Variants in TEKT3 observed in about 807,000 individuals in gnomAD.
TEKT3 encodes tektin-3.
Under a neutral mutation model 49.8 loss-of-function variants are expected in TEKT3, and 49 were observed. That is an observed-to-expected ratio of 0.98 (90% CI 0.78 to 1.25). TEKT3 has a LOEUF of 1.25. TEKT3 is among the 50% of genes most tolerant of loss of function. TEKT3 has a pLI of 0.00. For missense variants in TEKT3, 595 were observed against 629.5 expected (o/e 0.95, Z 0.59); for synonymous variants, 225 against 237.2 (o/e 0.95, Z 0.47).
intron 3 of TEKT3, among the ~76,000 whole-genome samples, chr17:15,329,631 A>C (rs1324370359): frequency 1.3e-5 from 2 of 152,236 alleles, no homozygotes; most frequent in Non-Finnish European, 2.9e-5. Context: ...TTAGTGAACT[A>C]TCAGCCATTC....
chr17:15,339,200 C>A (rs1912124839), intron 2 of TEKT3, among the ~76,000 whole-genome samples: 1 of 152,292 alleles, frequency 6.6e-6, no homozygotes, highest in Admixed American at 6.5e-5. Context: ...CTTTCATTCA[C>A]TTGTCCTTCT....
intron 6 of TEKT3, among the ~76,000 whole-genome samples, chr17:15,313,214 G>A (rs1218100525): frequency 6.6e-6 from 1 of 152,196 alleles, no homozygotes; most frequent in Non-Finnish European, 1.5e-5. Context: ...GCAAATTCAT[G>A]TTAAAGTAGA....
chr17:15,315,026 G>A (rs1215430336), intron 5 of TEKT3, among the ~76,000 whole-genome samples: 2 of 152,128 alleles, frequency 1.3e-5, no homozygotes, highest in East Asian at 1.9e-4. Context: ...TACTTCATTC[G>A]ACAAATAATT....
At chr17:15,338,649 C>T (rs1021996116) in intron 2 of TEKT3, 3 of 157,242 alleles carry the variant, frequency 1.9e-5, no homozygotes, top group Admixed American at 6.6e-5. Flanking sequence ...GGACTACAGC[C>T]GCCTGCCACC....
intron 2 of TEKT3, chr17:15,338,670 AATTTT>A: frequency 7.8e-6 from 1 of 128,736 alleles, no homozygotes; most frequent in Non-Finnish European, 1.5e-5. Flanking sequence ...ACACCTGGCT[AATTTT>A]TTTTTTTTTT....
chr17:15,342,873 A>G (rs1439825343), upstream of TEKT3, among the ~76,000 whole-genome samples: 1 of 152,216 alleles, frequency 6.6e-6, no homozygotes, highest in Non-Finnish European at 1.5e-5. Flanking sequence ...TAGTTTTCCC[A>G]CTATGTTCCT....
rs751717985 is a variant in TEKT3, at chr17:15,303,927, G to T, written c.*9C>A. On this transcript the variant is annotated 3_prime_UTR_variant, in exon 9 of 9. Transcript: ENST00000395930. Reference sequence around the variant, plus strand: ...CTTAGGGGTATCAAAACCACACCCGGTGGGGTCCCTAGCAGAAGCCGACCA... The same window carrying T: ...CTTAGGGGTATCAAAACCACACCCGTTGGGGTCCCTAGCAGAAGCCGACCA... 3 of 1,613,432 alleles carry T rather than the reference G, an allele frequency of 1.9e-6. No homozygotes were observed. In the African/African-American group the frequency reaches 4.0e-5, roughly 22 times the overall value.
rs988710643 is a variant in TEKT3 at position 15,331,274 on chromosome 17, T to C, written c.312A>G (p.Leu104=). The C allele has an allele frequency of 6.2e-7, 1 of 1,614,108 alleles. No homozygotes were observed. Among genetic ancestry groups the C allele is most frequent in the Non-Finnish European group, 8.5e-7 (1 of 1,180,052 alleles). Reference sequence around the variant, plus strand: ...AAGTGTTGGACTCTTGATAGTTGGTTAAATTGGACCTGTACCAGTCATCCG... The same window carrying C: ...AAGTGTTGGACTCTTGATAGTTGGTCAAATTGGACCTGTACCAGTCATCCG... ...YTPDDWYRSN[L]TNYQESNTSR... is the part of the protein sequence containing the mutation. Residue 104 remains leucine (L), a synonymous_variant, in exon 3 of 9, where the codon TTA becomes TTG. Transcript: ENST00000395930.
intron 4 of TEKT3, among the ~76,000 whole-genome samples, chr17:15,320,706 T>C (rs952979535): frequency 1.3e-5 from 2 of 152,190 alleles, no homozygotes; most frequent in Admixed American, 1.3e-4. Context: ...GACACCAACA[T>C]TCTCCCTGCC....
chr17:15,335,878 A>C (rs1273976992), intron 2 of TEKT3, among the ~76,000 whole-genome samples: 1 of 152,174 alleles, frequency 6.6e-6, no homozygotes, highest in Non-Finnish European at 1.5e-5. Context: ...GATTAACAGC[A>C]CATTAGAAAT....
At chr17:15,316,911 A>T (rs1478424839) in intron 5 of TEKT3, among the ~76,000 whole-genome samples, 2 of 152,130 alleles carry the variant, frequency 1.3e-5, no homozygotes, top group Non-Finnish European at 2.9e-5. Flanking sequence ...ACAGGCATTT[A>T]AGGCAGCATC....
chr17:15,319,144 C>A lies in TEKT3; in HGVS notation c.667G>T (p.Val223Phe), dbSNP rs1475329330. ...TCTTGACAACACAGAATAGTATCAA[C>A]TTCCTACTCAATTGGAAAAAAAACA... ...DEVEAQLLTE[V>F]DTILCCQERM... The change falls in exon 5 of 9, where the codon GTT (valine) becomes TTT (phenylalanine). Residue 223 changes from valine (V) to phenylalanine (F), a missense_variant. Val to Phe is a conservative substitution (Grantham distance 50, BLOSUM62 -1). Transcript: ENST00000395930. 6.2e-7 allele frequency: 1 copy of A among 1,602,992 alleles called. No homozygotes were observed. The highest frequency in any genetic ancestry group is 8.5e-7 in the Non-Finnish European group (1 of 1,175,944).
At chr17:15,336,113 CA>C (rs1911970298) in intron 2 of TEKT3, among the ~76,000 whole-genome samples, 1 of 151,976 alleles carries the variant, frequency 6.6e-6, no homozygotes, top group Admixed American at 6.6e-5. Flanking sequence ...TACACACACA[CA>C]CACACACACA....
chr17:15,336,473 T>C (rs1911986609), intron 2 of TEKT3, among the ~76,000 whole-genome samples: 2 of 152,072 alleles, frequency 1.3e-5, no homozygotes, highest in Non-Finnish European at 2.9e-5. Context: ...AGGAAATTCT[T>C]CAGGCAAAAG....
chr17:15,307,761 G>C (rs1412426390), intron 8 of TEKT3, among the ~76,000 whole-genome samples: 2 of 152,092 alleles, frequency 1.3e-5, no homozygotes, highest in Non-Finnish European at 2.9e-5. Context: ...ACTGCCCTTG[G>C]CTCCTCCAGT....
At chr17:15,334,478 C>T (rs934643997) in intron 2 of TEKT3, among the ~76,000 whole-genome samples, 1 of 152,198 alleles carries the variant, frequency 6.6e-6, no homozygotes, top group Non-Finnish European at 1.5e-5. Context: ...CATCTTGAGA[C>T]GTCTCAACCC....
chr17:15,314,423 C>T (rs1021505790), intron 5 of TEKT3, 193 bp from the exon 6 acceptor site: 6 of 711,450 alleles, frequency 8.4e-6, no homozygotes, highest in Admixed American at 2.1e-5. Context: ...CACTGGGACC[C>T]TAACTCCCAC....
intron 6 of TEKT3, among the ~76,000 whole-genome samples, chr17:15,313,697 C>T (rs987889174): frequency 1.3e-5 from 2 of 151,810 alleles, no homozygotes; most frequent in South Asian, 2.1e-4. Context: ...TTAGTAGAGA[C>T]GGGGTTTCAC....
intron 4 of TEKT3, among the ~76,000 whole-genome samples, chr17:15,319,463 A>C (rs1027397241): frequency 2.0e-5 from 3 of 152,174 alleles, no homozygotes; most frequent in Admixed American, 2.0e-4. Context: ...AAAAAAAAAA[A>C]ATTCTGGTAA....
Sources: allele counts gnomAD v4.1 joint callset (sites outside exome capture counted in the v4.1 genomes callset), GRCh38; gene constraint gnomAD v4.1.1; transcripts MANE v1.5; gene names NCBI Gene and HGNC (gene_info 2026-07-23, HGNC 2026-07-21).